The following RANBP2 variants were observed in gnomAD, a reference collection of about 807,000 sequenced individuals.
RANBP2 encodes the protein E3 SUMO-protein ligase RanBP2.
Under a neutral mutation model 303.6 loss-of-function variants are expected in RANBP2, and 57 were observed. That is an observed-to-expected ratio of 0.19 (90% CI 0.15 to 0.23). The LOEUF (loss-of-function observed/expected upper bound fraction) is 0.23, where lower values mean the gene tolerates loss of function less well. Among genes scored for constraint, RANBP2 ranks in the 10% least tolerant of loss-of-function variants. RANBP2 has a pLI of 1.00. For missense variants in RANBP2, 3,138 were observed against 3,780.8 expected, an observed-to-expected ratio of 0.83 and a Z score of 4.46; for synonymous variants, 1,167 against 1,301.5, an observed-to-expected ratio of 0.90 and a Z score of 2.23.
the RANBP2 span, among the ~76,000 whole-genome samples, chr2:109,467,522 G>A: frequency 6.6e-6 from 1 of 152,228 alleles, no homozygotes; most frequent in Admixed American, 6.5e-5. Context: ...TGGGCCCACC[G>A]TGAGGGCAGC....
chr2:109,041,505 T>A, the RANBP2 span, among the ~76,000 whole-genome samples: 9 of 148,960 alleles, frequency 6.0e-5, 1 homozygote, highest in Middle Eastern at 3.4e-3. Flanking sequence ...GTTTTAAAAA[T>A]ATATAATTAA....
chr2:108,912,612 C>T, the RANBP2 span: 3 of 1,431,766 alleles, frequency 2.1e-6, no homozygotes, highest in Non-Finnish European at 2.9e-6. Flanking sequence ...ATTTCCTCTC[C>T]TCTTCTGAGC....
the RANBP2 span, among the ~76,000 whole-genome samples, chr2:108,982,090 C>T: frequency 2.0e-5 from 3 of 152,226 alleles, no homozygotes; most frequent in Non-Finnish European, 4.4e-5. Context: ...GGCTATCTCT[C>T]CTATTTCCTC....
the RANBP2 span, among the ~76,000 whole-genome samples, chr2:109,335,982 T>C: frequency 1.3e-5 from 2 of 152,216 alleles, no homozygotes; most frequent in Non-Finnish European, 2.9e-5. Context: ...AGCACGATGT[T>C]GTCGAGACAT....
downstream of RANBP2, among the ~76,000 whole-genome samples, chr2:108,787,786 C>T (rs145275455): frequency 1.3e-4 from 20 of 151,582 alleles, no homozygotes; most frequent in African/African-American, 4.8e-4. Context: ...GATGCTTCTT[C>T]GTTAGATTGA....
chr2:109,646,131 A>G, the RANBP2 span, among the ~76,000 whole-genome samples: 4 of 151,970 alleles, frequency 2.6e-5, no homozygotes, highest in African/African-American at 9.7e-5. Context: ...ACCCTAGGCT[A>G]TGTTCTGTTA....
At position 108,782,531 on chromosome 2, in the gene RANBP2, G is replaced by A. The variant is rs1678327966; in HGVS notation, c.9038G>A (p.Gly3013Glu). ...LVWTASDYAD[G>E]EAKVEQLAVR... ...TTCCCCTTTCCCTCCCTGCCAGATG[G>A]AGAAGCAAAAGTAGAACAGCTTGCA... Residue 3013 changes from glycine to glutamate, a missense_variant, in exon 28 of 29, where the codon GGA becomes GAA. Gly to Glu is a moderately conservative substitution (Grantham distance 98). Coordinates refer to ENST00000283195, the MANE Select transcript of RANBP2 (RefSeq NM_006267.5). 3 of 1,614,080 alleles carry A rather than the reference G, an allele frequency of 1.9e-6. No individual in the cohort carries two copies. The highest frequency in any genetic ancestry group is 2.5e-6 in the Non-Finnish European group (3 of 1,180,004).
At chr2:109,187,066 A>G in the RANBP2 span, among the ~76,000 whole-genome samples, 1 of 149,814 alleles carries the variant, frequency 6.7e-6, no homozygotes, top group East Asian at 2.1e-4. Flanking sequence ...GTCACGGATC[A>G]TTTAAGCATA....
At chr2:108,915,033 C>T in the RANBP2 span, among the ~76,000 whole-genome samples, 1 of 152,248 alleles carries the variant, frequency 6.6e-6, no homozygotes, top group Non-Finnish European at 1.5e-5. Context: ...CCACCTCAGC[C>T]TCCTGAGATG....
At chr2:108,907,759 C>T in the RANBP2 span, 3 of 1,388,430 alleles carry the variant, frequency 2.2e-6, no homozygotes, top group Admixed American at 1.7e-5. Context: ...GGGAGAAACA[C>T]CCCGTCTTGC....
chr2:108,724,942 G>A (rs1459096438), intron 1 of RANBP2, among the ~76,000 whole-genome samples: 1 of 152,076 alleles, frequency 6.6e-6, no homozygotes, highest in Non-Finnish European at 1.5e-5. Context: ...TGCAAGATGG[G>A]CGACAGAGTG....
At chr2:109,338,801 A>G in the RANBP2 span, among the ~76,000 whole-genome samples, 1 of 151,930 alleles carries the variant, frequency 6.6e-6, no homozygotes, top group South Asian at 2.1e-4. Flanking sequence ...CAGGTGATCC[A>G]CCCGCCTCGG....
chr2:108,997,131 T>C, the RANBP2 span, among the ~76,000 whole-genome samples: 3 of 152,128 alleles, frequency 2.0e-5, no homozygotes, highest in Admixed American at 2.0e-4. Context: ...CTCTAGCCAG[T>C]GGGTCTGAAG....
At chr2:109,173,996 G>A in the RANBP2 span, among the ~76,000 whole-genome samples, 1 of 152,228 alleles carries the variant, frequency 6.6e-6, no homozygotes, top group Non-Finnish European at 1.5e-5. Flanking sequence ...CATTGGTGGC[G>A]GAAAGCACTG....
the RANBP2 span, among the ~76,000 whole-genome samples, chr2:109,155,879 C>G: frequency 3.9e-5 from 6 of 152,334 alleles, no homozygotes; most frequent in Admixed American, 3.3e-4. Flanking sequence ...TGGTAGCTGT[C>G]TTTCCAAGAT....
At chr2:109,370,826 A>G in the RANBP2 span, among the ~76,000 whole-genome samples, 1 of 151,932 alleles carries the variant, frequency 6.6e-6, no homozygotes, top group Non-Finnish European at 1.5e-5. Context: ...TATACTTGGT[A>G]TTGTTTAATA....
At chr2:109,365,992 G>A in the RANBP2 span, among the ~76,000 whole-genome samples, 3 of 152,048 alleles carry the variant, frequency 2.0e-5, no homozygotes, top group African/African-American at 7.2e-5. Context: ...CTTTCTTCCT[G>A]AATTTGTTTT....
chr2:109,566,632 A>G, the RANBP2 span, among the ~76,000 whole-genome samples: 2 of 152,144 alleles, frequency 1.3e-5, no homozygotes, highest in Admixed American at 1.3e-4. Flanking sequence ...AATTAATGTC[A>G]ATATAGTAAA....
chr2:109,665,612 A>G, the RANBP2 span: 1 of 152,168 alleles, frequency 6.6e-6, no homozygotes, highest in African/African-American at 2.4e-5. Context: ...AAGTGCTGGG[A>G]TAGCAGGCAT....
Sources: allele counts gnomAD v4.1 joint callset (sites outside exome capture counted in the v4.1 genomes callset), GRCh38; gene constraint gnomAD v4.1.1; transcripts MANE v1.5; gene names NCBI Gene and HGNC (gene_info 2026-07-23, HGNC 2026-07-21).